Variants in SYNM observed in about 807,000 individuals in gnomAD.
SYNM encodes synemin.
A neutral mutation model predicts 104.0 loss-of-function variants in SYNM; 95 were observed. The ratio of observed to expected loss-of-function variants is 0.91; its 90% confidence interval spans 0.77 to 1.08. The LOEUF is 1.08. Among genes scored for constraint, SYNM ranks in the 50% least tolerant of loss-of-function variants. SYNM has a pLI of 0.00. For missense variants in SYNM, 2,150 were observed against 2,052.2 expected (o/e 1.05, Z -0.92); for synonymous variants, 918 against 869.0 (o/e 1.06, Z -0.99).
downstream of SYNM, chr15:99,139,700 GGA>G (rs2067999154): frequency 1.7e-5 from 23 of 1,373,534 alleles, no homozygotes; most frequent in Non-Finnish European, 2.1e-5. Flanking sequence ...ACTGACCAGA[GGA>G]TGGGCTCCAG....
At chr15:99,137,552 C>G (rs2067689426), downstream of SYNM, 1 of 153,244 alleles carries the variant, frequency 6.5e-6, no homozygotes, top group Admixed American at 6.5e-5. Context: ...TCAGGTTTCC[C>G]TTTATTAGCG....
intron 2 of SYNM, among the ~76,000 whole-genome samples, chr15:99,120,924 A>AG (rs1261563413): frequency 1.3e-5 from 2 of 152,070 alleles, no homozygotes; most frequent in Admixed American, 1.3e-4. Flanking sequence ...GCACATTCCT[A>AG]GGGGGTAGTG....
downstream of SYNM, chr15:99,136,243 G>A (rs1194568330): frequency 6.7e-6 from 1 of 150,296 alleles, no homozygotes; most frequent in Non-Finnish European, 1.5e-5. Flanking sequence ...GTGGGGTGGG[G>A]TGGGGGCGCT....
chr15:99,116,974 C>A (rs558804955), intron 2 of SYNM, among the ~76,000 whole-genome samples: 2 of 143,914 alleles, frequency 1.4e-5, no homozygotes, highest in African/African-American at 5.0e-5. Context: ...TGTGCCTAGC[C>A]GGTGCTGGGT....
the SYNM span, among the ~76,000 whole-genome samples, chr15:99,141,265 A>G: frequency 6.6e-6 from 1 of 152,208 alleles, no homozygotes; most frequent in Non-Finnish European, 1.5e-5. Context: ...ATATATAACC[A>G]CATAGATGAA....
At chr15:99,139,677 CAAG>C (rs2067994882), downstream of SYNM, 4 of 1,403,736 alleles carry the variant, frequency 2.8e-6, no homozygotes, top group Non-Finnish European at 3.8e-6. Context: ...AAAATAAAGG[CAAG>C]AACCTTGGTA....
chr15:99,107,226 A>G (rs1338440617), intron 1 of SYNM, among the ~76,000 whole-genome samples: 5 of 152,244 alleles, frequency 3.3e-5, no homozygotes, highest in African/African-American at 1.2e-4. Flanking sequence ...TGCCATAGCT[A>G]GAGCAGGGAC....
chr15:99,114,656 G>A (rs1003744455), intron 2 of SYNM, among the ~76,000 whole-genome samples: 1 of 152,076 alleles, frequency 6.6e-6, no homozygotes, highest in African/African-American at 2.4e-5. Context: ...AACCAACTCT[G>A]ATGAAAAGGT....
chr15:99,111,065 CTG>C (rs1180897373), intron 1 of SYNM, among the ~76,000 whole-genome samples: 2 of 152,220 alleles, frequency 1.3e-5, no homozygotes, highest in African/African-American at 2.4e-5. Flanking sequence ...GTGACTGAAA[CTG>C]TACTTATTCC....
At chr15:99,139,820 T>C (rs1421779985), downstream of SYNM, 3 of 1,139,304 alleles carry the variant, frequency 2.6e-6, no homozygotes, top group Non-Finnish European at 3.5e-6. Flanking sequence ...ATAGGCTGTC[T>C]ATACTCTTGA....
chr15:99,137,108 A>G (rs2067649875), downstream of SYNM: 2 of 152,094 alleles, frequency 1.3e-5, no homozygotes, highest in African/African-American at 4.8e-5. Flanking sequence ...CTGCACCCCT[A>G]CCCCTGGGTG....
At chr15:99,124,624 G>C (rs1193884130) in intron 2 of SYNM, among the ~76,000 whole-genome samples, 2 of 152,210 alleles carry the variant, frequency 1.3e-5, no homozygotes, top group African/African-American at 4.8e-5. Flanking sequence ...TCTGAAATTT[G>C]TGTGCAATAC....
downstream of SYNM, among the ~76,000 whole-genome samples, chr15:99,138,825 CA>C (rs201498463): frequency 0.037 from 5,612 of 152,342 alleles, 160 homozygotes; most frequent in Non-Finnish European, 0.057. Context: ...TGAGCAGACT[CA>C]GGCAGCCCTG....
At chr15:99,122,544 G>T (rs1024647013) in intron 2 of SYNM, among the ~76,000 whole-genome samples, 1 of 152,164 alleles carries the variant, frequency 6.6e-6, no homozygotes, top group Non-Finnish European at 1.5e-5. Context: ...TCTTGTAGTT[G>T]TAAGAATAGA....
In SYNM at chr15:99,130,182, G is replaced by A. The variant is rs782623403; in HGVS notation, c.1822G>A (p.Gly608Ser). The A allele has an allele frequency of 7.4e-5, 119 of 1,613,760 alleles. 1 individual carries two copies. Among genetic ancestry groups the A allele is most frequent in the African/African-American group, 1.5e-4 (11 of 74,894 alleles). ...TGTGAAGGATGCTGGTGGTGGGACC[G>A]GTAGAGAGGCAGAAGCAAGAGAGCT... ...TPVKDAGGGT[G>S]REAEARELRF... The change falls in exon 4 of 4, where the codon GGT (glycine) becomes AGT (serine). Residue 608 changes from glycine to serine, a missense_variant. Coordinates refer to ENST00000336292, the MANE Select transcript of SYNM (RefSeq NM_145728.3).
intron 1 of SYNM, among the ~76,000 whole-genome samples, chr15:99,108,684 A>G (rs1202580627): frequency 2.0e-5 from 3 of 152,182 alleles, no homozygotes; most frequent in African/African-American, 7.2e-5. Flanking sequence ...TATAAGCTCC[A>G]TTTTACAGAG....
At chr15:99,124,037 T>G (rs1345680695) in intron 2 of SYNM, among the ~76,000 whole-genome samples, 1 of 152,226 alleles carries the variant, frequency 6.6e-6, no homozygotes, top group East Asian at 1.9e-4. Context: ...TCTTGCACTT[T>G]TGCTTATTTT....
chr15:99,129,491 C>A lies in SYNM; in HGVS notation c.1131C>A (p.Asn377Lys), dbSNP rs782400600. 6.2e-7 allele frequency: 1 copy of A among 1,613,998 alleles called. No individual in the cohort carries two copies. Among genetic ancestry groups the A allele is most frequent in the Non-Finnish European group, 8.5e-7 (1 of 1,179,906 alleles). Residue 377 changes from asparagine to lysine, a missense_variant, in exon 4 of 4, where the codon AAC becomes AAA. Asn to Lys is a moderately conservative substitution (Grantham distance 94). Transcript: ENST00000336292. Reference sequence around the variant, plus strand: ...ATCACAGCTCGGCACTGTATTCTAACCTGTCAGGGCACCGTGGATCTCAGA... The same window carrying A: ...ATCACAGCTCGGCACTGTATTCTAAACTGTCAGGGCACCGTGGATCTCAGA... ...SFNHSSALYS[N>K]LSGHRGSQTG...
chr15:99,113,759 T>C (rs2067321661), intron 2 of SYNM, 44 bp downstream of exon 2: 1 of 1,607,148 alleles, frequency 6.2e-7, no homozygotes. Flanking sequence ...GCCATGGGGG[T>C]GTAACTTGCA....
Sources: gnomAD v4.1 joint callset for allele counts (sites outside exome capture counted in the v4.1 genomes callset) on GRCh38, gnomAD v4.1.1 for gene constraint, MANE v1.5 for transcripts, NCBI Gene and HGNC (gene_info 2026-07-23, HGNC 2026-07-21) for gene names.